The following MICALL2 variants were observed in gnomAD, a reference collection of about 807,000 sequenced individuals.
MICALL2 encodes MICAL-like protein 2.
MICALL2 carries 111 observed loss-of-function variants against 91.1 expected under a neutral mutation model. That is an observed-to-expected ratio of 1.22 (90% CI 1.04 to 1.43). The LOEUF is 1.43. Ranked by LOEUF, MICALL2 falls within the 40% of genes most tolerant of loss-of-function variation. MICALL2 has a pLI of 0.00. For missense variants in MICALL2, 1,556 were observed against 1,236.0 expected, an observed-to-expected ratio of 1.26 and a Z score of -3.88; for synonymous variants, 694 against 525.3, an observed-to-expected ratio of 1.32 and a Z score of -4.39.
At chr7:1,436,904 C>T (rs574894583) in intron 14 of MICALL2, 48 bp from the exon 15 acceptor site, 2 of 1,381,686 alleles carry the variant, frequency 1.4e-6, no homozygotes, top group East Asian at 2.6e-5. Flanking sequence ...ACTGCCATGC[C>T]CCTCACAGGA....
chr7:1,439,019 G>A (rs1296044534), intron 9 of MICALL2, 24 bp from the exon 10 acceptor site: 2 of 1,567,598 alleles, frequency 1.3e-6, no homozygotes, highest in Non-Finnish European at 1.7e-6. Flanking sequence ...GGGAGACAGA[G>A]CCACGCTTCA....
chr7:1,436,733 G>A lies in MICALL2; in HGVS notation c.2591+9C>T. On this transcript the variant is annotated intron_variant, in intron 15 of 16. Transcript: ENST00000297508. ...TGGCTGGGAGGGGCCCCCGGCACCTGCCCCTCACCGGAGCCGGTCCTCGTC... is the reference window on the plus strand; with the variant it reads ...TGGCTGGGAGGGGCCCCCGGCACCTACCCCTCACCGGAGCCGGTCCTCGTC... The A allele has an allele frequency of 6.3e-7, 1 of 1,596,672 alleles. No individual in the cohort carries two copies. The highest frequency in any genetic ancestry group is 1.3e-5 in the African/African-American group (1 of 74,522).
At chr7:1,438,247 C>A in intron 11 of MICALL2, 27 bp from the exon 12 acceptor site, 1 of 1,588,334 alleles carries the variant, frequency 6.3e-7, no homozygotes, top group Admixed American at 1.8e-5. Flanking sequence ...GGTGAGGATG[C>A]CGGAGGGCTG....
In MICALL2 at chr7:1,434,405, C is replaced by T. The variant is rs1364176563; in HGVS notation, c.*191G>A. 16 of 694,616 alleles carry T rather than the reference C, an allele frequency of 2.3e-5. No homozygotes were observed. The highest frequency in any genetic ancestry group is 1.1e-4 in the East Asian group (4 of 36,678). The allele number at this position is 694,616 out of a possible 1,614,324, so 43.0% of individuals were successfully genotyped here. ...TCTTTATTGAGACCACAGACGGTAG[C>T]GCAGGTCCCTGCTGTCCACATGCCC... On this transcript the variant is annotated 3_prime_UTR_variant, in exon 17 of 17. Transcript: ENST00000297508.
At position 1,439,912 on chromosome 7, in the gene MICALL2, C is replaced by G. The variant is rs777169182; in HGVS notation, c.1966+13G>C. 2.1e-5 allele frequency: 30 copies of G among 1,432,402 alleles called. No individual in the cohort carries two copies. Among genetic ancestry groups the G allele is most frequent in the Non-Finnish European group, 2.6e-5 (28 of 1,096,390 alleles). 88.7% of individuals were successfully genotyped at this position (1,432,402 alleles called of 1,614,324 possible). ...AGGCAACCCGGGGGCCCCTGGGTCC[C>G]GTCCAGGAGTACCTGGGAGGCTGGG... On this transcript the variant is annotated intron_variant, in intron 9 of 16. Coordinates refer to ENST00000297508, the MANE Select transcript of MICALL2 (RefSeq NM_182924.4).
intron 14 of MICALL2, 147 bp downstream of exon 14, chr7:1,437,388 T>C (rs1780025175): frequency 2.9e-6 from 2 of 681,906 alleles, no homozygotes; most frequent in South Asian, 2.0e-5. Context: ...AGGTGGGAGA[T>C]TTGAAACTCA....
rs760862909 is a variant in MICALL2 at position 1,444,932 on chromosome 7, C to T, written c.1138G>A (p.Gly380Arg). The stretch of plus-strand genomic sequence containing the variant: ...TGAGGAGCTGCCACTCGGGGGGCTC[C>T]CCCACCCTGGGGTGTGGCCGGGCGA... ...DPRPATPQGG[G>R]APRVAAPQTT... Residue 380 changes from glycine to arginine, a missense_variant, in exon 6 of 17, where the codon GGA (glycine) becomes AGA (arginine). By Grantham distance (125) the Gly-to-Arg change is moderately radical (BLOSUM62 -2). Coordinates refer to ENST00000297508, the MANE Select transcript of MICALL2 (RefSeq NM_182924.4). The T allele has an allele frequency of 9.2e-6, 14 of 1,529,094 alleles. No homozygotes were observed. In the South Asian group the frequency reaches 1.7e-4, roughly 19 times the overall value. 94.7% of individuals were successfully genotyped at this position (1,529,094 alleles called of 1,614,324 possible). A position where few individuals can be genotyped will look rare whatever the true frequency, so the allele number is the denominator to read the frequency against.
intron 5 of MICALL2, 71 bp downstream of exon 5, chr7:1,446,642 C>T (rs1026095393): frequency 7.9e-6 from 9 of 1,135,834 alleles, no homozygotes; most frequent in East Asian, 2.6e-5. Flanking sequence ...GGGTGGGAGG[C>T]GATGGGAGCT....
At chr7:1,444,508 A>G in intron 6 of MICALL2, 144 bp downstream of exon 6, 1 of 826,022 alleles carries the variant, frequency 1.2e-6, no homozygotes, top group East Asian at 2.8e-5. Context: ...CATTCCCCAG[A>G]GAAGGAAACA....
At chr7:1,435,306 C>T (rs540568408) in intron 15 of MICALL2, among the ~76,000 whole-genome samples, 159 bp from the exon 16 acceptor site, 4 of 152,348 alleles carry the variant, frequency 2.6e-5, no homozygotes, top group South Asian at 2.1e-4. Flanking sequence ...TGGAACCCTG[C>T]CCCCACCAAT....
intron 6 of MICALL2, among the ~76,000 whole-genome samples, chr7:1,443,550 G>A (rs936216130): frequency 6.6e-6 from 1 of 152,228 alleles, no homozygotes; most frequent in Non-Finnish European, 1.5e-5. Context: ...CATCTTGGCA[G>A]TTATGATCAT....
intron 14 of MICALL2, 128 bp from the exon 15 acceptor site, chr7:1,436,984 C>T (rs890918793): frequency 2.9e-5 from 18 of 622,688 alleles, no homozygotes; most frequent in African/African-American, 3.8e-5. Flanking sequence ...TGGGGGGATC[C>T]GGAGCAGAAT....
chr7:1,434,826 T>A (rs1779886009), intron 16 of MICALL2, 154 bp from the exon 17 acceptor site: 1 of 832,436 alleles, frequency 1.2e-6, no homozygotes, highest in African/African-American at 1.7e-5. Context: ...CCCTCCCACG[T>A]GAGAACCTGC....
intron 9 of MICALL2, 177 bp downstream of exon 9, chr7:1,439,746 TCA>T (rs1166048853): frequency 2.1e-6 from 1 of 468,776 alleles, no homozygotes; most frequent in Non-Finnish European, 3.6e-6. Context: ...CACACATGCA[TCA>T]CACACATGCA....
intron 1 of MICALL2, among the ~76,000 whole-genome samples, chr7:1,457,067 C>T (rs531229597): frequency 1.3e-5 from 2 of 152,210 alleles, no homozygotes; most frequent in African/African-American, 2.4e-5. Context: ...AGGGTCCTTC[C>T]TGCCTCTTCC....
chr7:1,447,471 T>A (rs1049937271), intron 4 of MICALL2, 104 bp downstream of exon 4: 2 of 696,552 alleles, frequency 2.9e-6, no homozygotes, highest in Admixed American at 6.1e-5. Context: ...CGCACCCCAC[T>A]CTGGGTCCCG....
At chr7:1,459,000 G>A (rs1429880120) in intron 1 of MICALL2, among the ~76,000 whole-genome samples, 184 bp downstream of exon 1, 1 of 152,194 alleles carries the variant, frequency 6.6e-6, no homozygotes, top group East Asian at 1.9e-4. Context: ...TGGCCCAGCT[G>A]CATTCGGTGT....
Position 1,438,207 on chromosome 7 carries a change from T to A in MICALL2, c.2201A>T (p.Tyr734Phe), listed in dbSNP as rs1057294742. ...CCTCTGTATCTCCTCCGGGGAGAGG[T>A]AGTCGGGGTGCAGCTGGGAACGGAG... Reference protein sequence around the residue: ...VTSPVRLHPDYLSPEEIQRQL... With the variant: ...VTSPVRLHPDFLSPEEIQRQL... Residue 734 changes from tyrosine (Y) to phenylalanine (F), a missense_variant, in exon 12 of 17, where the codon TAC becomes TTC. Physicochemically the swap from Tyr to Phe is conservative, Grantham distance 22. Transcript: ENST00000297508. 1 of 1,583,906 alleles carries A rather than the reference T, an allele frequency of 6.3e-7. No individual in the cohort carries two copies. Among genetic ancestry groups the A allele is most frequent in the Non-Finnish European group, 8.6e-7 (1 of 1,165,182 alleles).
At chr7:1,448,521 G>GT (rs1163440916) in intron 3 of MICALL2, 99 bp downstream of exon 3, 1 of 1,131,384 alleles carries the variant, frequency 8.8e-7, no homozygotes, top group Non-Finnish European at 1.3e-6. Context: ...CTTGGGGGGG[G>GT]GGCTGGGCAT....
Sources: gnomAD v4.1 joint callset for allele counts (sites outside exome capture counted in the v4.1 genomes callset) on GRCh38, gnomAD v4.1.1 for gene constraint, MANE v1.5 for transcripts, NCBI Gene and HGNC (gene_info 2026-07-23, HGNC 2026-07-21) for gene names.